The following DNAAF1 variants were observed in gnomAD, a reference collection of about 807,000 sequenced individuals.
DNAAF1 encodes the protein dynein axonemal assembly factor 1.
Under a neutral mutation model 71.1 loss-of-function variants are expected in DNAAF1, and 65 were observed. That is an observed-to-expected ratio of 0.91 (90% CI 0.75 to 1.12). DNAAF1 has a LOEUF of 1.12. Ranked by LOEUF, DNAAF1 falls within the 50% of genes most tolerant of loss-of-function variation. The pLI is 0.00. For missense variants in DNAAF1, 1,178 were observed against 899.8 expected, an observed-to-expected ratio of 1.31 and a Z score of -3.96; for synonymous variants, 414 against 354.6, an observed-to-expected ratio of 1.17 and a Z score of -1.88.
At position 84,145,377 on chromosome 16, in the gene DNAAF1, G is replaced by T; in HGVS notation, c.-64G>T. ...ACTCTCTGGCTGGGCTGGGGCCGTA[G>T]CGACGTCCGCCGCGAACCTGGGCCC... is the stretch of plus-strand genomic sequence containing the variant. On this transcript the variant is annotated 5_prime_UTR_variant, in exon 1 of 12. Transcript: ENST00000378553. 1 of 1,551,480 alleles carries T rather than the reference G, an allele frequency of 6.4e-7. No individual in the cohort carries two copies. Among genetic ancestry groups the T allele is most frequent in the Non-Finnish European group, 8.7e-7 (1 of 1,148,934 alleles).
In DNAAF1 at chr16:84,165,718, G is replaced by C. The variant is rs1014386940; in HGVS notation, c.864-65G>C. 2.0e-6 allele frequency: 3 copies of C among 1,492,610 alleles called. No individual in the cohort carries two copies. The African/African-American group carries it at 4.1e-5, about 21-fold the overall frequency. The allele number at this position is 1,492,610 out of a possible 1,614,324, so 92.5% of individuals were successfully genotyped here. A position where few individuals can be genotyped will look rare whatever the true frequency, so the allele number is the denominator to read the frequency against. On this transcript the variant is annotated intron_variant, in intron 6 of 11. Transcript: ENST00000378553. Reference sequence around the variant, plus strand: ...CTTTGATTTTGAAGAAAATGAGCAAGTTGATCAGACAGTGTATGTTTGGAG... The same window carrying C: ...CTTTGATTTTGAAGAAAATGAGCAACTTGATCAGACAGTGTATGTTTGGAG...
intron 5 of DNAAF1, among the ~76,000 whole-genome samples, chr16:84,156,209 C>T (rs1469246701): frequency 5.9e-5 from 9 of 152,284 alleles, no homozygotes; most frequent in African/African-American, 9.6e-5. Context: ...GTGATCCACC[C>T]GCCTCAACCT....
At chr16:84,148,452 G>A (rs1286380822) in intron 1 of DNAAF1, among the ~76,000 whole-genome samples, 1 of 151,930 alleles carries the variant, frequency 6.6e-6, no homozygotes, top group Non-Finnish European at 1.5e-5. Flanking sequence ...AAAAAACGCA[G>A]AAACAAATCT....
At chr16:84,152,114 G>A (rs530598841) in intron 3 of DNAAF1, among the ~76,000 whole-genome samples, 3 of 152,344 alleles carry the variant, frequency 2.0e-5, no homozygotes, top group East Asian at 3.9e-4. Context: ...TGACCGTAGC[G>A]TGTAGCAGTT....
At chr16:84,159,500 G>A (rs887897960) in intron 5 of DNAAF1, among the ~76,000 whole-genome samples, 175 bp from the exon 6 acceptor site, 12 of 152,174 alleles carry the variant, frequency 7.9e-5, no homozygotes, top group Non-Finnish European at 1.2e-4. Flanking sequence ...CTCTGATAGC[G>A]TGAGAGCAAT....
intron 7 of DNAAF1, among the ~76,000 whole-genome samples, chr16:84,167,077 C>T (rs536893155): frequency 1.1e-4 from 17 of 152,336 alleles, no homozygotes; most frequent in African/African-American, 3.8e-4. Flanking sequence ...GTCGCCTGTA[C>T]TTCTAACAGA....
In DNAAF1 at chr16:84,165,776, T is replaced by C. The variant is rs1159757863; in HGVS notation, c.864-7T>C. The C allele has an allele frequency of 6.2e-7, 1 of 1,613,318 alleles. No homozygotes were observed. Among genetic ancestry groups the C allele is most frequent in the East Asian group, 2.2e-5 (1 of 44,874 alleles). ...CCCCTATTTATGTTTCTTTGTTTTT[T>C]AAACAGAGCTTGTGCGGAGGCCTGG... On this transcript the variant is annotated splice_region_variant and splice_polypyrimidine_tract_variant and intron_variant, in intron 6 of 11. Coordinates refer to ENST00000378553, the MANE Select transcript of DNAAF1 (RefSeq NM_178452.6).
chr16:84,175,971 G>C lies in DNAAF1; in HGVS notation c.1737G>C (p.Leu579Phe), dbSNP rs148622974. The C allele has an allele frequency of 8.7e-6, 14 of 1,614,030 alleles. No individual in the cohort carries two copies. The African/African-American group carries it at 1.5e-4, about 17-fold the overall frequency. Residue 579 changes from leucine to phenylalanine, a missense_variant, in exon 11 of 12, where the codon TTG becomes TTC. Transcript: ENST00000378553. The stretch of plus-strand genomic sequence containing the variant: ...CGAAGATTGAGGTCATCTCGAGCTT[G>C]AGTGATGACAGTGACCCTGAACTGG... ...CFPKIEVISS[L>F]SDDSDPELDY...
At chr16:84,146,691 G>A (rs1054824778) in intron 1 of DNAAF1, among the ~76,000 whole-genome samples, 6 of 151,702 alleles carry the variant, frequency 4.0e-5, no homozygotes, top group South Asian at 4.2e-4. Flanking sequence ...GCTGCAGTGA[G>A]CCAAGATCAC....
Position 84,177,075 on chromosome 16 carries a change from G to A in DNAAF1, c.2066-654G>A, listed in dbSNP as rs945496809. The A allele has an allele frequency of 3.4e-5, 6 of 174,700 alleles. No homozygotes were observed. The East Asian group carries it at 5.9e-4, about 17-fold the overall frequency. 10.8% of individuals were successfully genotyped at this position (174,700 alleles called of 1,614,324 possible). A position where few individuals can be genotyped will look rare whatever the true frequency, so the allele number is the denominator to read the frequency against. ...GTGCTACTCTCATCCAGCACGCATC[G>A]GTGGCCAGGCTTTTTCCTGAAGACA... On this transcript the variant is annotated intron_variant, in intron 11 of 11. Coordinates refer to ENST00000378553, the MANE Select transcript of DNAAF1 (RefSeq NM_178452.6).
chr16:84,176,561 C>T, intron 11 of DNAAF1: 2 of 579,380 alleles, frequency 3.5e-6, no homozygotes, highest in South Asian at 1.9e-5. Context: ...GTGTGGGGGT[C>T]ACAATCCCCC....
intron 5 of DNAAF1, chr16:84,159,183 G>A: frequency 1.0e-6 from 1 of 1,000,752 alleles, no homozygotes; most frequent in Non-Finnish European, 1.2e-6. Flanking sequence ...GAGGAAGAAG[G>A]GCCGTCCATC....
rs1320232099 is a variant in DNAAF1 at position 84,159,665 on chromosome 16, C to T, written c.742-10C>T. Reference sequence around the variant, plus strand: ...CAGTAATCATTTTGGTTCTGCTTGTCTTCTTGCAGCGTGTACTGAATTTGA... The same window carrying T: ...CAGTAATCATTTTGGTTCTGCTTGTTTTCTTGCAGCGTGTACTGAATTTGA... On this transcript the variant is annotated splice_polypyrimidine_tract_variant and intron_variant, in intron 5 of 11. Transcript: ENST00000378553. 1.2e-6 allele frequency: 2 copies of T among 1,607,604 alleles called. No homozygotes were observed. The highest frequency in any genetic ancestry group is 1.1e-5 in the South Asian group (1 of 90,188).
rs186060764 is a variant in DNAAF1 at position 84,155,885 on chromosome 16, G to C, written c.741+136G>C. On this transcript the variant is annotated intron_variant, in intron 5 of 11. Transcript: ENST00000378553. ...TTTTTCACACTTTTTTCCTCTTTGTGTTTTTAGCTGGAGTATCTGAAATGC... is the reference window on the plus strand; with the variant it reads ...TTTTTCACACTTTTTTCCTCTTTGTCTTTTTAGCTGGAGTATCTGAAATGC... 1.1e-4 allele frequency: 127 copies of C among 1,173,866 alleles called. No individual in the cohort carries two copies. In the East Asian group the frequency reaches 3.1e-3, roughly 28 times the overall value. The allele number at this position is 1,173,866 out of a possible 1,614,324, so 72.7% of individuals were successfully genotyped here.
rs1014231886 is a variant in DNAAF1, at chr16:84,169,926, C to T, written c.1098C>T (p.Pro366=). 5.6e-6 allele frequency: 9 copies of T among 1,613,954 alleles called. No homozygotes were observed. Among genetic ancestry groups the T allele is most frequent in the Admixed American group, 1.7e-5 (1 of 60,006 alleles). ...PASAEGKEEP[P]GDRETRQKME... The stretch of plus-strand genomic sequence containing the variant: ...GTGCGGAAGGCAAGGAGGAGCCTCC[C>T]GGGGACAGAGAAACAAGGCAGAAGA... Residue 366 remains proline, a synonymous_variant, in exon 8 of 12, where the codon CCC becomes CCT. Coordinates refer to ENST00000378553, the MANE Select transcript of DNAAF1 (RefSeq NM_178452.6).
rs367755546 is a variant in DNAAF1 at position 84,158,685 on chromosome 16, C to T, written c.742-990C>T. On this transcript the variant is annotated intron_variant, in intron 5 of 11. Transcript: ENST00000378553. ...CACCACCCCACCCTGTGCAGGGTAA[C>T]CACATTTTGAAATGGTTCACCCTCA... 1.9e-3 allele frequency among the ~76,000 whole-genome samples: 286 copies of T among 152,230 alleles called. 1 individual carries two copies. Among genetic ancestry groups the T allele is most frequent in the African/African-American group, 5.6e-3 (233 of 41,526 alleles).
chr16:84,166,716 C>A (rs1159843142), intron 7 of DNAAF1, among the ~76,000 whole-genome samples: 2 of 152,206 alleles, frequency 1.3e-5, no homozygotes, highest in African/African-American at 4.8e-5. Context: ...GCAGATCCAT[C>A]TGCAGTTGGC....
rs1169045532 is a variant in DNAAF1 at position 84,176,015 on chromosome 16, T to C, written c.1781T>C (p.Val594Ala). Residue 594 changes from valine to alanine, a missense_variant, in exon 11 of 12, where the codon GTG becomes GCG. Val to Ala is a moderately conservative substitution (Grantham distance 64, BLOSUM62 0). Coordinates refer to ENST00000378553, the MANE Select transcript of DNAAF1 (RefSeq NM_178452.6). ...DPELDYTSLP[V>A]LENLPTDTLS... ...GAACTGGACTACACGTCACTCCCTGTGCTGGAAAACCTCCCCACAGACACT... is the reference window on the plus strand; with the variant it reads ...GAACTGGACTACACGTCACTCCCTGCGCTGGAAAACCTCCCCACAGACACT... 4 of 1,614,188 alleles carry C rather than the reference T, an allele frequency of 2.5e-6. No individual in the cohort carries two copies. The African/African-American group carries it at 4.0e-5, about 16-fold the overall frequency.
intron 11 of DNAAF1, 118 bp downstream of exon 11, chr16:84,176,417 C>A: frequency 7.0e-7 from 1 of 1,431,454 alleles, no homozygotes; most frequent in East Asian, 2.3e-5. Context: ...GAGGGGTCAC[C>A]CAGGACAGAC....
Sources: allele counts gnomAD v4.1 joint callset (sites outside exome capture counted in the v4.1 genomes callset), GRCh38; gene constraint gnomAD v4.1.1; transcripts MANE v1.5; gene names NCBI Gene and HGNC (gene_info 2026-07-23, HGNC 2026-07-21).